The following MYO3B variants were observed in gnomAD, a reference collection of about 807,000 sequenced individuals.
MYO3B encodes the protein myosin IIIB.
A neutral mutation model predicts 174.6 loss-of-function variants in MYO3B; 156 were observed. That is an observed-to-expected ratio of 0.89 (90% CI 0.78 to 1.02). MYO3B has a LOEUF of 1.02. Among genes scored for constraint, MYO3B ranks in the 50% least tolerant of loss-of-function variants. MYO3B has a pLI of 0.00. For missense variants in MYO3B, 1,632 were observed against 1,639.4 expected, an observed-to-expected ratio of 1.00 and a Z score of 0.08; for synonymous variants, 563 against 569.1, an observed-to-expected ratio of 0.99 and a Z score of 0.15.
chr2:170,578,126 G>T (rs1179471144), intron 32 of MYO3B, among the ~76,000 whole-genome samples: 1 of 152,182 alleles, frequency 6.6e-6, no homozygotes, highest in Admixed American at 6.5e-5. Context: ...CAATGTTAAC[G>T]TCAAGGGTTC....
chr2:170,208,318 A>G (rs1019436609), intron 3 of MYO3B, among the ~76,000 whole-genome samples: 5 of 152,156 alleles, frequency 3.3e-5, no homozygotes, highest in African/African-American at 1.2e-4. Context: ...CTCCTCCAAC[A>G]AGGGAGAGAA....
intron 28 of MYO3B, among the ~76,000 whole-genome samples, chr2:170,504,565 A>G (rs1187378498): frequency 4.6e-5 from 7 of 152,144 alleles, no homozygotes; most frequent in African/African-American, 1.7e-4. Flanking sequence ...AACCTTTTTC[A>G]TCTGAAATGT....
intron 26 of MYO3B, 133 bp downstream of exon 26, chr2:170,498,836 T>C (rs1026270313): frequency 3.2e-6 from 2 of 618,156 alleles, no homozygotes; most frequent in Admixed American, 2.8e-5. Context: ...TGGTCTTTGC[T>C]GGTATTAAGT....
At chr2:170,300,138 T>C (rs989279251) in intron 7 of MYO3B, among the ~76,000 whole-genome samples, 2 of 152,174 alleles carry the variant, frequency 1.3e-5, no homozygotes, top group Non-Finnish European at 2.9e-5. Flanking sequence ...GCTTTCTTCT[T>C]TGGGCACAGG....
intron 7 of MYO3B, among the ~76,000 whole-genome samples, chr2:170,257,028 G>T (rs1465184520): frequency 1.3e-5 from 2 of 152,256 alleles, no homozygotes; most frequent in Non-Finnish European, 2.9e-5. Flanking sequence ...AATGATAAAA[G>T]ATTCAATTCC....
intron 7 of MYO3B, among the ~76,000 whole-genome samples, chr2:170,314,450 C>T (rs2093760423): frequency 6.6e-6 from 1 of 152,188 alleles, no homozygotes; most frequent in Non-Finnish European, 1.5e-5. Context: ...TGTGCTGGCT[C>T]ATCCCACTGA....
intron 22 of MYO3B, among the ~76,000 whole-genome samples, chr2:170,441,831 G>C (rs1032128185): frequency 2.6e-5 from 4 of 152,140 alleles, no homozygotes; most frequent in Non-Finnish European, 4.4e-5. Flanking sequence ...TCTTGGTTTC[G>C]GTGAGATTTG....
chr2:170,262,885 C>T (rs930071918), intron 7 of MYO3B, among the ~76,000 whole-genome samples: 7 of 152,108 alleles, frequency 4.6e-5, no homozygotes, highest in African/African-American at 1.4e-4. Flanking sequence ...TTGTATCTGT[C>T]GTAGCACCTA....
At chr2:170,559,146 G>A (rs768122755) in intron 32 of MYO3B, among the ~76,000 whole-genome samples, 3 of 152,152 alleles carry the variant, frequency 2.0e-5, no homozygotes, top group Admixed American at 6.5e-5. Context: ...CTGCATATTA[G>A]TTGGCCAACC....
intron 21 of MYO3B, 43 bp downstream of exon 21, chr2:170,405,676 GGTAA>G (rs1466241907): frequency 1.9e-6 from 3 of 1,543,606 alleles, no homozygotes; most frequent in Admixed American, 1.7e-5. Context: ...TTTGGCAAAG[GGTAA>G]GTGTCTGTAT....
At chr2:170,531,430 C>A (rs10191289) in intron 30 of MYO3B, among the ~76,000 whole-genome samples, 74,812 of 151,922 alleles carry the variant, frequency 0.49, 20,171 homozygotes, top group Non-Finnish European at 0.62. Context: ...ACTTCATAAA[C>A]GCACTTATTT....
chr2:170,310,691 A>T (rs968417119), intron 7 of MYO3B, among the ~76,000 whole-genome samples: 1 of 151,544 alleles, frequency 6.6e-6, no homozygotes, highest in Non-Finnish European at 1.5e-5. Context: ...AAAAAAAGAA[A>T]TACATTGGTT....
At chr2:170,383,644 TG>T in intron 11 of MYO3B, 65 bp from the exon 12 acceptor site, 2 of 1,231,498 alleles carry the variant, frequency 1.6e-6, no homozygotes, top group Non-Finnish European at 2.4e-6. Context: ...CTTGGTTTCA[TG>T]GGCAATAGGT....
intron 30 of MYO3B, among the ~76,000 whole-genome samples, chr2:170,527,705 A>G (rs1441141961): frequency 6.6e-6 from 1 of 152,228 alleles, no homozygotes; most frequent in African/African-American, 2.4e-5. Context: ...AACTACCTCA[A>G]TGACCTTGGG....
intron 6 of MYO3B, among the ~76,000 whole-genome samples, chr2:170,227,492 C>T (rs2092964817): frequency 6.6e-6 from 1 of 152,150 alleles, no homozygotes; most frequent in Admixed American, 6.5e-5. Flanking sequence ...ATCATGTTGC[C>T]CAGGCTGGTC....
chr2:170,469,783 A>G (rs1206456373), intron 25 of MYO3B, among the ~76,000 whole-genome samples: 1 of 152,166 alleles, frequency 6.6e-6, no homozygotes, highest in South Asian at 2.1e-4. Context: ...GATATAATTC[A>G]CGTATGATAA....
At chr2:170,639,580 C>T (rs563611291) in intron 32 of MYO3B, among the ~76,000 whole-genome samples, 3 of 152,270 alleles carry the variant, frequency 2.0e-5, no homozygotes, top group Admixed American at 2.0e-4. Flanking sequence ...CAAAGCAAAA[C>T]AAAAAGACAG....
chr2:170,575,406 G>T (rs1485430118), intron 32 of MYO3B, among the ~76,000 whole-genome samples: 3 of 152,100 alleles, frequency 2.0e-5, no homozygotes, highest in Non-Finnish European at 4.4e-5. Flanking sequence ...TAAGGTCTCT[G>T]TTGCAGTTAT....
At chr2:170,597,572 G>A (rs1446712854) in intron 32 of MYO3B, among the ~76,000 whole-genome samples, 1 of 151,850 alleles carries the variant, frequency 6.6e-6, no homozygotes, top group African/African-American at 2.4e-5. Flanking sequence ...ATGATTCCCT[G>A]ACTTCCTTCC....
Sources: gnomAD v4.1 joint callset for allele counts (sites outside exome capture counted in the v4.1 genomes callset) on GRCh38, gnomAD v4.1.1 for gene constraint, MANE v1.5 for transcripts, NCBI Gene and HGNC (gene_info 2026-07-23, HGNC 2026-07-21) for gene names.